Variants in PLEKHA7 observed in about 807,000 individuals in gnomAD.
PLEKHA7 encodes the protein pleckstrin homology domain-containing family A member 7.
Under a neutral mutation model 170.0 loss-of-function variants are expected in PLEKHA7, and 104 were observed. The ratio of observed to expected loss-of-function variants is 0.61; its 90% confidence interval spans 0.52 to 0.72. The LOEUF (loss-of-function observed/expected upper bound fraction) is 0.72, where lower values mean the gene tolerates loss of function less well. Among genes scored for constraint, PLEKHA7 ranks in the 30% least tolerant of loss-of-function variants. The pLI is 0.00. For synonymous variants in PLEKHA7, 648 were observed against 660.8 expected (o/e 0.98, Z 0.30); for missense variants, 1,615 against 1,671.7 (o/e 0.97, Z 0.59).
At position 16,960,432 on chromosome 11, in the gene PLEKHA7, T is replaced by C. The variant is rs993012659; in HGVS notation, c.221+53557A>G. Among the ~76,000 whole-genome samples the C allele has an allele frequency of 2.0e-5, 3 of 152,156 alleles. No individual in the cohort carries two copies. In the South Asian group the frequency reaches 6.2e-4, roughly 32 times the overall value. ...ACTCAAACGTTGCCTGAGCTCTGAG[T>C]TGGGGGGCAGGGGAAGAAGGAGACA... On this transcript the variant is annotated intron_variant, in intron 3 of 26. Transcript: ENST00000531066.
chr11:16,800,965 T>A lies in PLEKHA7; in HGVS notation c.2409+9A>T, dbSNP rs968511092. ...AGAGCTCAGAAGAGATGGACAGGTA[T>A]CAGGTCACCTGGAAAAAAAAGGCTC... On this transcript the variant is annotated intron_variant, in intron 17 of 26. Coordinates refer to ENST00000531066, the MANE Select transcript of PLEKHA7 (RefSeq NM_001329630.2). The A allele has an allele frequency of 5.6e-6, 9 of 1,607,554 alleles. No homozygotes were observed. The highest frequency in any genetic ancestry group is 7.7e-6 in the Non-Finnish European group (9 of 1,174,064).
intron 10 of PLEKHA7, among the ~76,000 whole-genome samples, chr11:16,822,678 C>G (rs1183639182): frequency 6.6e-6 from 1 of 152,142 alleles, no homozygotes; most frequent in Non-Finnish European, 1.5e-5. Context: ...TAGCTTTTGC[C>G]TGACCCTTAG....
intron 13 of PLEKHA7, among the ~76,000 whole-genome samples, chr11:16,808,272 T>C (rs1180176156): frequency 3.9e-5 from 6 of 152,198 alleles, no homozygotes; most frequent in Non-Finnish European, 8.8e-5. Flanking sequence ...CAGACATTTA[T>C]ATTCATTTTT....
chr11:16,817,059 C>T lies in PLEKHA7; in HGVS notation c.1607G>A (p.Ser536Asn), dbSNP rs1849815763. 1.2e-6 allele frequency: 2 copies of T among 1,610,642 alleles called. No homozygotes were observed. The highest frequency in any genetic ancestry group is 1.7e-6 in the Non-Finnish European group (2 of 1,177,978). ...WQQRQQFRHG[S>N]PTAPICLGSP... ...GCCAAGGCAGATGGGCGCTGTGGGG[C>T]TGCCGTGCCGGAACTGCTGGCGCTG... The change falls in exon 11 of 27, where the codon AGC becomes AAC. Residue 536 changes from serine to asparagine, a missense_variant. Transcript: ENST00000531066. This position sits in a 1 kb window ranked among gnomAD's most constrained non-coding sequence, Gnocchi z 4.4.
At chr11:16,818,800 T>C (rs543629532) in intron 10 of PLEKHA7, among the ~76,000 whole-genome samples, 15 of 151,764 alleles carry the variant, frequency 9.9e-5, no homozygotes, top group East Asian at 3.9e-4. Context: ...TCTTTTTTTT[T>C]TCTCTCTTTT....
At chr11:17,005,583 C>T (rs1864938664) in intron 3 of PLEKHA7, among the ~76,000 whole-genome samples, 2 of 152,128 alleles carry the variant, frequency 1.3e-5, no homozygotes, top group Admixed American at 1.3e-4. Flanking sequence ...GCCATCAAGG[C>T]ACAAGAAACC....
intron 9 of PLEKHA7, among the ~76,000 whole-genome samples, chr11:16,840,252 G>A (rs1208671859): frequency 6.6e-6 from 1 of 152,158 alleles, no homozygotes; most frequent in Non-Finnish European, 1.5e-5. Flanking sequence ...CTATGTGTCA[G>A]ATGTTGTGCA....
intron 3 of PLEKHA7, among the ~76,000 whole-genome samples, chr11:16,968,349 A>G (rs938422809): frequency 1.3e-5 from 2 of 152,162 alleles, no homozygotes; most frequent in Non-Finnish European, 2.9e-5. Flanking sequence ...CACATGGAAA[A>G]GGCTGCTCTC....
At chr11:16,933,216 T>A (rs182417855) in intron 3 of PLEKHA7, among the ~76,000 whole-genome samples, 132 of 152,364 alleles carry the variant, frequency 8.7e-4, no homozygotes, top group African/African-American at 3.1e-3. Context: ...AGTACTATTA[T>A]AGTCCCAGTT....
At chr11:16,866,757 G>T (rs1015349146) in intron 4 of PLEKHA7, among the ~76,000 whole-genome samples, 2 of 152,128 alleles carry the variant, frequency 1.3e-5, no homozygotes, top group Non-Finnish European at 2.9e-5. Flanking sequence ...ACTGATACAG[G>T]AACAAGAACA....
intron 3 of PLEKHA7, among the ~76,000 whole-genome samples, chr11:16,923,116 C>T (rs1400839839): frequency 2.0e-5 from 3 of 152,176 alleles, no homozygotes; most frequent in Non-Finnish European, 2.9e-5. Flanking sequence ...CTAGGGACCC[C>T]GCTACCCACC....
chr11:16,787,200 G>A lies in PLEKHA7; in HGVS notation c.3358-813C>T, dbSNP rs972201803. On this transcript the variant is annotated intron_variant, in intron 23 of 26. Coordinates refer to ENST00000531066, the MANE Select transcript of PLEKHA7 (RefSeq NM_001329630.2). Reference sequence around the variant, plus strand: ...TCACAGGCCTTTGACCGCTGAGCAGGTTGTTGAGAACAGAGCAGGCTCAAA... The same window carrying A: ...TCACAGGCCTTTGACCGCTGAGCAGATTGTTGAGAACAGAGCAGGCTCAAA... 37 of 985,260 alleles carry A rather than the reference G, an allele frequency of 3.8e-5. No homozygotes were observed. The African/African-American group carries it at 4.7e-4, about 13-fold the overall frequency. The allele number at this position is 985,260 out of a possible 1,614,324, so 61.0% of individuals were successfully genotyped here.
intron 3 of PLEKHA7, among the ~76,000 whole-genome samples, chr11:16,946,340 A>G (rs1861029176): frequency 6.6e-6 from 1 of 152,156 alleles, no homozygotes; most frequent in Non-Finnish European, 1.5e-5. Flanking sequence ...CACCCCACCC[A>G]CCAGAACCCT....
intron 3 of PLEKHA7, among the ~76,000 whole-genome samples, chr11:16,928,481 G>A (rs1186348245): frequency 6.8e-6 from 1 of 147,104 alleles, no homozygotes; most frequent in Non-Finnish European, 1.5e-5. Context: ...TTGAGACACA[G>A]TATTCTTGCT....
rs368231151 is a variant in PLEKHA7, at chr11:16,818,098, C to T, written c.1344-776G>A. Reference sequence around the variant, plus strand: ...CACCTGCTGGTGCCTGACAGCCTCACCCTAGTCCCGTCCCAGCCTCCTCCA... The same window carrying T: ...CACCTGCTGGTGCCTGACAGCCTCATCCTAGTCCCGTCCCAGCCTCCTCCA... On this transcript the variant is annotated intron_variant, in intron 10 of 26. Transcript: ENST00000531066. Among the ~76,000 whole-genome samples the T allele has an allele frequency of 9.5e-3, 1,441 of 152,300 alleles. 16 individuals are homozygous for T. Among genetic ancestry groups the T allele is most frequent in the African/African-American group, 0.033 (1,370 of 41,556 alleles).
rs1250628193 is a variant in PLEKHA7, at chr11:17,013,905, AG to A, written c.221+83del. 4.2e-6 allele frequency: 6 copies of A among 1,418,884 alleles called. No individual in the cohort carries two copies. The African/African-American group carries it at 9.2e-5, about 22-fold the overall frequency. The allele number at this position is 1,418,884 out of a possible 1,614,324, so 87.9% of individuals were successfully genotyped here. A position where few individuals can be genotyped will look rare whatever the true frequency, so the allele number is the denominator to read the frequency against. On this transcript the variant is annotated intron_variant, in intron 3 of 26. Transcript: ENST00000531066. ...AACGAGCCCGGGCCGGCGGGAGCAG[AG>A]GAAGGGCGGGGCGCCCGGCGGGAAC...
intron 3 of PLEKHA7, among the ~76,000 whole-genome samples, chr11:16,973,917 AC>A (rs1209331804): frequency 1.3e-5 from 2 of 151,822 alleles, no homozygotes; most frequent in South Asian, 2.1e-4. Context: ...AGTCTTGGAC[AC>A]CCCCAGGACA....
chr11:16,982,833 G>GGAGAGAGAGAGAGGGA (rs1863520454), intron 3 of PLEKHA7, among the ~76,000 whole-genome samples: 1 of 148,838 alleles, frequency 6.7e-6, no homozygotes. Context: ...AGAGAGAGAG[G>GGAGAGAGAGAGAGGGA]GAGAGAGAGA....
At chr11:16,832,601 A>C (rs1211357843) in intron 9 of PLEKHA7, among the ~76,000 whole-genome samples, 1 of 152,198 alleles carries the variant, frequency 6.6e-6, no homozygotes, top group African/African-American at 2.4e-5. Context: ...TGCTAAATGC[A>C]CACACACCCC....
Sources: allele counts gnomAD v4.1 joint callset (sites outside exome capture counted in the v4.1 genomes callset), GRCh38; gene constraint gnomAD v4.1.1; non-coding constraint Gnocchi (gnomAD v3.1); transcripts MANE v1.5; gene names NCBI Gene and HGNC (gene_info 2026-07-23, HGNC 2026-07-21).